CSMD1: variants seen among roughly 807,000 people sequenced by gnomAD.
The protein encoded by CSMD1 is CUB and sushi domain-containing protein 1.
CSMD1 carries 213 observed loss-of-function variants against 417.5 expected under a neutral mutation model. The observed-to-expected ratio is 0.51, with a 90% confidence interval of 0.46 to 0.57. The LOEUF (loss-of-function observed/expected upper bound fraction) is 0.57, where lower values mean the gene tolerates loss of function less well. Ranked by LOEUF, CSMD1 falls within the 20% of genes least tolerant of loss-of-function variation. The pLI is 0.00. For synonymous variants in CSMD1, 2,862 were observed against 1,736.8 expected, an observed-to-expected ratio of 1.65 and a Z score of -16.11; for missense variants, 6,923 against 4,529.7, an observed-to-expected ratio of 1.53 and a Z score of -15.17.
intron 3 of CSMD1, among the ~76,000 whole-genome samples, chr8:4,049,787 C>G (rs1248736394): frequency 6.6e-6 from 1 of 152,100 alleles, no homozygotes; most frequent in Non-Finnish European, 1.5e-5. Flanking sequence ...GTTTTCCTTA[C>G]TGTTAGCATC....
chr8:3,287,346 T>C (rs1392027853), intron 25 of CSMD1, among the ~76,000 whole-genome samples: 6 of 152,166 alleles, frequency 3.9e-5, no homozygotes, highest in African/African-American at 9.7e-5. Flanking sequence ...AAGAAAGTCA[T>C]TGGTAACTTG....
chr8:4,293,303 C>G lies in CSMD1; in HGVS notation c.415+126650G>C, dbSNP rs572907876. Among the ~76,000 whole-genome samples, 5 of 152,208 alleles carry G rather than the reference C, an allele frequency of 3.3e-5. No individual in the cohort carries two copies. The East Asian group carries it at 9.7e-4, about 29-fold the overall frequency. On this transcript the variant is annotated intron_variant, in intron 3 of 69. Coordinates refer to ENST00000635120, the MANE Select transcript of CSMD1 (RefSeq NM_033225.6). ...AGCAGCAAATGAAAATTGGCCAGCA[C>G]AATGAGAAACTGACGATGCTGAAAT...
chr8:3,222,945 C>T (rs936296740), intron 28 of CSMD1, among the ~76,000 whole-genome samples: 4 of 152,112 alleles, frequency 2.6e-5, no homozygotes, highest in Non-Finnish European at 2.9e-5. Flanking sequence ...AAAGGAAAGT[C>T]GTTCCATTGA....
At position 3,091,655 on chromosome 8, in the gene CSMD1, A is replaced by G; in HGVS notation, c.7146T>C (p.Ser2382=). 1 of 1,607,980 alleles carries G rather than the reference A, an allele frequency of 6.2e-7. No individual in the cohort carries two copies. Among genetic ancestry groups the G allele is most frequent in the Non-Finnish European group, 8.5e-7 (1 of 1,178,684 alleles). ...FDALEVFDGS[S]GQSPLLVVLS... ...AGACTACTAGCAGAGGACTTTGCCC[A>G]GAAGAACCTAAGTGAAACAGAAAAA... is the stretch of plus-strand genomic sequence containing the variant. The change falls in exon 48 of 70, where the codon TCT becomes TCC. Residue 2382 remains serine, a synonymous_variant. Coordinates refer to ENST00000635120, the MANE Select transcript of CSMD1 (RefSeq NM_033225.6).
intron 49 of CSMD1, among the ~76,000 whole-genome samples, chr8:3,075,885 CA>C (rs754691568): frequency 0.014 from 1,535 of 106,908 alleles, 23 homozygotes; most frequent in African/African-American, 0.038. Flanking sequence ...ACTAAAAATA[CA>C]AAAAAAAAAA....
At chr8:3,307,250 C>G (rs1401890529) in intron 25 of CSMD1, among the ~76,000 whole-genome samples, 2 of 152,098 alleles carry the variant, frequency 1.3e-5, no homozygotes, top group Non-Finnish European at 1.5e-5. Context: ...AACCCTCCCA[C>G]CGTGACTAGC....
chr8:4,186,776 C>T lies in CSMD1; in HGVS notation c.416-154677G>A, dbSNP rs143192849. On this transcript the variant is annotated intron_variant, in intron 3 of 69. Transcript: ENST00000635120. ...CTGAGGCGGGTGGATCACTTGAGGT[C>T]AGGAGTTCAAGACCAGCCTGGTCTA... Among the ~76,000 whole-genome samples, 90 of 151,094 alleles carry T rather than the reference C, an allele frequency of 6.0e-4. No individual in the cohort carries two copies. In the East Asian group the frequency reaches 0.016, roughly 27 times the overall value.
chr8:4,015,799 G>T (rs887431830), intron 4 of CSMD1, among the ~76,000 whole-genome samples: 1 of 151,954 alleles, frequency 6.6e-6, no homozygotes, highest in African/African-American at 2.4e-5. Context: ...ACAAAAACAA[G>T]GGTGAAACTT....
At chr8:4,001,241 A>C (rs1238581127) in intron 4 of CSMD1, among the ~76,000 whole-genome samples, 1 of 152,168 alleles carries the variant, frequency 6.6e-6, no homozygotes. Context: ...CCTCTCAGTA[A>C]CCTTGACCAG....
chr8:2,975,164 C>T (rs947151953), intron 55 of CSMD1, among the ~76,000 whole-genome samples: 4 of 152,078 alleles, frequency 2.6e-5, no homozygotes, highest in African/African-American at 4.8e-5. Context: ...TAATAATAAT[C>T]AATTATTGAT....
chr8:4,749,478 T>C (rs112148472), intron 1 of CSMD1, among the ~76,000 whole-genome samples: 3,809 of 152,284 alleles, frequency 0.025, 167 homozygotes, highest in African/African-American at 0.086. Context: ...AGAAAGGAAT[T>C]CCAAGAACCA....
intron 2 of CSMD1, among the ~76,000 whole-genome samples, chr8:4,554,184 T>C (rs1797992510): frequency 6.6e-6 from 1 of 152,220 alleles, no homozygotes; most frequent in African/African-American, 2.4e-5. Context: ...TCGCCCAGGC[T>C]GGAGTGCAGT....
intron 1 of CSMD1, among the ~76,000 whole-genome samples, chr8:4,743,629 T>A (rs956721116): frequency 1.3e-5 from 2 of 152,222 alleles, no homozygotes; most frequent in African/African-American, 4.8e-5. Flanking sequence ...TTTTACAAGT[T>A]GCTTTTCCAA....
At chr8:4,495,302 A>G (rs1240767382) in intron 2 of CSMD1, among the ~76,000 whole-genome samples, 1 of 152,178 alleles carries the variant, frequency 6.6e-6, no homozygotes, top group Non-Finnish European at 1.5e-5. Context: ...TCAGCTGGGC[A>G]CGGTGGCTCA....
chr8:3,408,838 T>A (rs960407285), intron 13 of CSMD1, among the ~76,000 whole-genome samples: 1 of 152,168 alleles, frequency 6.6e-6, no homozygotes, highest in African/African-American at 2.4e-5. Context: ...CTGTTGGATT[T>A]ATCTCTAGAA....
At chr8:3,138,651 A>G (rs1818253311) in intron 41 of CSMD1, among the ~76,000 whole-genome samples, 1 of 152,180 alleles carries the variant, frequency 6.6e-6, no homozygotes, top group Admixed American at 6.5e-5. Context: ...AAAGAGTGGG[A>G]GTGGAGATGG....
At chr8:4,499,416 G>A (rs2130271270) in intron 2 of CSMD1, among the ~76,000 whole-genome samples, 1 of 152,314 alleles carries the variant, frequency 6.6e-6, no homozygotes, top group East Asian at 1.9e-4. Context: ...CTTTATTGAG[G>A]CATGCACACA....
At chr8:3,136,741 G>A (rs1818122801) in intron 41 of CSMD1, among the ~76,000 whole-genome samples, 1 of 152,092 alleles carries the variant, frequency 6.6e-6, no homozygotes, top group South Asian at 2.1e-4. Flanking sequence ...CATGTTTCCT[G>A]AAAGTAACTG....
intron 41 of CSMD1, among the ~76,000 whole-genome samples, chr8:3,131,096 G>A (rs755686421): frequency 3.3e-5 from 5 of 152,102 alleles, no homozygotes; most frequent in African/African-American, 1.2e-4. Flanking sequence ...ATGTCTTACT[G>A]TATAAAATAA....
Sources: allele counts gnomAD v4.1 joint callset (sites outside exome capture counted in the v4.1 genomes callset), GRCh38; gene constraint gnomAD v4.1.1; transcripts MANE v1.5; gene names NCBI Gene and HGNC (gene_info 2026-07-23, HGNC 2026-07-21).